Variants in LMAN1 observed in about 807,000 individuals in gnomAD.
The protein encoded by LMAN1 is lectin, mannose binding 1, also known as protein ERGIC-53.
LMAN1 carries 32 observed loss-of-function variants against 67.8 expected under a neutral mutation model. The observed-to-expected ratio is 0.47, with a 90% CI of 0.36 to 0.63. The LOEUF (loss-of-function observed/expected upper bound fraction) is 0.63. Ranked by LOEUF, LMAN1 falls within the 30% of genes least tolerant of loss-of-function variation. The probability of loss-of-function intolerance (pLI) is 0.00; values close to 1 mark genes in which losing one functional copy is unlikely to be tolerated. For synonymous variants in LMAN1, 235 were observed against 219.3 expected (o/e 1.07, Z -0.63); for missense variants, 632 against 628.2 (o/e 1.01, Z -0.06).
chr18:59,352,930 T>C (rs1283638276), intron 5 of LMAN1: 2 of 387,926 alleles, frequency 5.2e-6, no homozygotes, highest in Non-Finnish European at 4.9e-6. Flanking sequence ...TACCTATCTA[T>C]CTATCTATCT....
intron 7 of LMAN1, among the ~76,000 whole-genome samples, chr18:59,347,253 G>A (rs539892287): frequency 3.1e-4 from 45 of 146,686 alleles, no homozygotes; most frequent in African/African-American, 5.5e-4. Flanking sequence ...CCCGGGAGGC[G>A]GAGCTTGCAG....
chr18:59,345,646 C>G (rs1908382431), intron 8 of LMAN1, among the ~76,000 whole-genome samples: 1 of 152,198 alleles, frequency 6.6e-6, no homozygotes, highest in Non-Finnish European at 1.5e-5. Context: ...AAATCCCTGT[C>G]CTCATGGAGC....
chr18:59,357,543 A>G (rs1316884641), intron 1 of LMAN1, among the ~76,000 whole-genome samples: 1 of 152,226 alleles, frequency 6.6e-6, no homozygotes, highest in Non-Finnish European at 1.5e-5. Flanking sequence ...GAATAGAGAT[A>G]CCTTGATAAC....
intron 1 of LMAN1, among the ~76,000 whole-genome samples, chr18:59,356,461 T>G (rs1014208854): frequency 2.0e-5 from 3 of 152,204 alleles, no homozygotes; most frequent in Non-Finnish European, 4.4e-5. Context: ...TCTCCTATTA[T>G]TAGACTAGGT....
At chr18:59,332,301 T>C (rs2070752470) in intron 11 of LMAN1, among the ~76,000 whole-genome samples, 1 of 151,950 alleles carries the variant, frequency 6.6e-6, no homozygotes, top group South Asian at 2.1e-4. Context: ...ATGCTTTGGA[T>C]GAGAGGTCAT....
chr18:59,331,341 C>G, intron 12 of LMAN1, 77 bp downstream of exon 12: 1 of 1,408,020 alleles, frequency 7.1e-7, no homozygotes, highest in Non-Finnish European at 1.0e-6. Context: ...GTATTATGAA[C>G]ATAGATAACT....
At chr18:59,340,217 A>G (rs995086469) in intron 8 of LMAN1, among the ~76,000 whole-genome samples, 1 of 152,322 alleles carries the variant, frequency 6.6e-6, no homozygotes, top group Middle Eastern at 3.4e-3. Context: ...AAGGAGAATA[A>G]CTAAGAAAAT....
intron 6 of LMAN1, among the ~76,000 whole-genome samples, chr18:59,348,539 T>C (rs1437289998): frequency 1.3e-5 from 2 of 152,250 alleles, no homozygotes; most frequent in Admixed American, 6.5e-5. Context: ...ATCCATGTAT[T>C]TGAAAATATT....
chr18:59,338,947 TC>T lies in LMAN1; in HGVS notation c.961del (p.Glu321LysfsTer6). Reference protein sequence around the residue: ...HPDLQGQPAEEIFESVGDREL... With the variant: ...HPDLQGQPAEXIFESVGDREL... ...TCGATCTCCTACACTCTCAAATATT[TC>T]CTCCGCTGAAAAGGAAATAAATAAA... On this transcript the variant is annotated frameshift_variant, in exon 9 of 13. Transcript: ENST00000251047. LOFTEE classifies it high-confidence loss of function. 2 of 1,611,566 alleles carry T rather than the reference TC, an allele frequency of 1.2e-6. No homozygotes were observed. Among genetic ancestry groups the T allele is most frequent in the East Asian group, 2.2e-5 (1 of 44,860 alleles).
At chr18:59,353,624 G>A (rs1908594735) in intron 4 of LMAN1, among the ~76,000 whole-genome samples, 2 of 152,120 alleles carry the variant, frequency 1.3e-5, no homozygotes, top group South Asian at 4.1e-4. Context: ...AACTCACTAA[G>A]GCAGAAAAAC....
chr18:59,354,428 TTTGGAAGG>T, intron 4 of LMAN1, 83 bp downstream of exon 4: 2 of 766,586 alleles, frequency 2.6e-6, no homozygotes, highest in Non-Finnish European at 4.6e-6. Context: ...ATTTTTTTCA[TTTGGAAGG>T]TGTTCAGATT....
chr18:59,353,163 C>T (rs1908582631), intron 5 of LMAN1, 39 bp downstream of exon 5: 3 of 1,505,192 alleles, frequency 2.0e-6, no homozygotes, highest in Non-Finnish European at 2.8e-6. Context: ...GATACTGTAA[C>T]ATTGTTTATT....
chr18:59,359,194 G>A lies in LMAN1; in HGVS notation c.51C>T (p.Phe17=). The change falls in exon 1 of 13, where the codon TTC becomes TTT. Residue 17 remains phenylalanine, a synonymous_variant. Coordinates refer to ENST00000251047, the MANE Select transcript of LMAN1 (RefSeq NM_005570.4). ...RGLRARVRPL[F]CALLLSLGRF... is the part of the protein sequence containing the mutation. ...GACCGAGTGACAGCAGCAAGGCGCA[G>A]AACAGCGGCCGAACTCTGGCCCGGA... is the stretch of plus-strand genomic sequence containing the variant. 2 of 1,614,030 alleles carry A rather than the reference G, an allele frequency of 1.2e-6. No homozygotes were observed. The highest frequency in any genetic ancestry group is 1.3e-5 in the African/African-American group (1 of 75,068).
chr18:59,351,887 C>T (rs531286144), intron 5 of LMAN1, among the ~76,000 whole-genome samples: 34 of 152,292 alleles, frequency 2.2e-4, no homozygotes, highest in African/African-American at 7.7e-4. Flanking sequence ...AATTATAATA[C>T]ATTGGACACT....
intron 4 of LMAN1, among the ~76,000 whole-genome samples, chr18:59,353,762 A>G (rs1908597682): frequency 1.3e-5 from 2 of 152,232 alleles, no homozygotes. Flanking sequence ...ATATACAGTC[A>G]TCCTTCAACA....
At position 59,330,444 on chromosome 18, in the gene LMAN1, T is replaced by C. The variant is rs1029248061; in HGVS notation, c.*649A>G. On this transcript the variant is annotated 3_prime_UTR_variant, in exon 13 of 13. Coordinates refer to ENST00000251047, the MANE Select transcript of LMAN1 (RefSeq NM_005570.4). ...CAGAGGAATGTTTCCACCCACAAGG[T>C]TTTTTAGGCAAAAAGCAGCTATTAA... 1 of 152,358 alleles carries C rather than the reference T, an allele frequency of 6.6e-6. No homozygotes were observed. The highest frequency in any genetic ancestry group is 6.5e-5 in the Admixed American group (1 of 15,268). The allele number at this position is 152,358 out of a possible 1,614,324, so 9.4% of individuals were successfully genotyped here. A position where few individuals can be genotyped will look rare whatever the true frequency, so the allele number is the denominator to read the frequency against.
chr18:59,352,938 T>G (rs1908577079), intron 5 of LMAN1: 1 of 400,636 alleles, frequency 2.5e-6, no homozygotes, highest in South Asian at 2.1e-5. Context: ...TATCTATCTA[T>G]CTATAGATAT....
chr18:59,346,289 C>T (rs1164877020), intron 7 of LMAN1, among the ~76,000 whole-genome samples: 5 of 140,440 alleles, frequency 3.6e-5, no homozygotes, highest in Admixed American at 3.1e-4. Context: ...AGCGTGATCT[C>T]GGCTCACTGC....
In LMAN1 at chr18:59,347,580, T is replaced by TAAA; in HGVS notation, c.764-12_764-10dup. 2.2e-6 allele frequency: 3 copies of TAAA among 1,338,312 alleles called. No individual in the cohort carries two copies. Among genetic ancestry groups the TAAA allele is most frequent in the Non-Finnish European group, 3.1e-6 (3 of 979,634 alleles). The allele number at this position is 1,338,312 out of a possible 1,614,324, so 82.9% of individuals were successfully genotyped here. ...AAGGACATCATGGTCATCTACAAAT[T>TAAA]AAAAAAAAAAAAGTCTGAAAAAGTT... is the stretch of plus-strand genomic sequence containing the variant. On this transcript the variant is annotated splice_polypyrimidine_tract_variant and intron_variant, in intron 6 of 12. Transcript: ENST00000251047.
Sources: gnomAD v4.1 joint callset for allele counts (sites outside exome capture counted in the v4.1 genomes callset) on GRCh38, gnomAD v4.1.1 for gene constraint, MANE v1.5 for transcripts, NCBI Gene and HGNC (gene_info 2026-07-23, HGNC 2026-07-21) for gene names.